PLCB1: variants seen among roughly 807,000 people sequenced by gnomAD.
The protein encoded by PLCB1 is phospholipase C beta 1, also known as 1-phosphatidylinositol 4,5-bisphosphate phosphodiesterase beta-1.
Under a neutral mutation model 161.8 loss-of-function variants are expected in PLCB1, and 46 were observed. The observed-to-expected ratio is 0.28, with a 90% CI of 0.22 to 0.36. The LOEUF is 0.36. PLCB1 is among the 10% of genes least tolerant of loss of function. The pLI, the probability that PLCB1 is intolerant of heterozygous loss-of-function variation, is 1.00. For missense variants in PLCB1, 1,016 were observed against 1,472.5 expected, an observed-to-expected ratio of 0.69 and a Z score of 5.07; for synonymous variants, 517 against 503.7, an observed-to-expected ratio of 1.03 and a Z score of -0.35.
chr20:8,491,736 A>C (rs1305183530), intron 3 of PLCB1, among the ~76,000 whole-genome samples: 1 of 152,078 alleles, frequency 6.6e-6, no homozygotes, highest in East Asian at 1.9e-4. Context: ...CTGGATTCTC[A>C]GCAATATCTC....
chr20:8,479,647 C>G (rs1302304423), intron 3 of PLCB1, among the ~76,000 whole-genome samples: 1 of 152,176 alleles, frequency 6.6e-6, no homozygotes, highest in Non-Finnish European at 1.5e-5. Context: ...CTTTTGCTTT[C>G]CATCTTTGCC....
chr20:8,630,829 A>G (rs756816842), intron 4 of PLCB1, among the ~76,000 whole-genome samples: 1 of 152,210 alleles, frequency 6.6e-6, no homozygotes, highest in Non-Finnish European at 1.5e-5. Flanking sequence ...CTTAAGTTGC[A>G]TTAAGCCTTT....
chr20:8,693,296 T>C (rs559057583), intron 10 of PLCB1, among the ~76,000 whole-genome samples: 2 of 152,302 alleles, frequency 1.3e-5, no homozygotes, highest in East Asian at 3.9e-4. Flanking sequence ...GAAATGACTT[T>C]AGGCTCTTAC....
intron 2 of PLCB1, among the ~76,000 whole-genome samples, chr20:8,265,848 A>G (rs1307369420): frequency 6.6e-6 from 1 of 152,140 alleles, no homozygotes; most frequent in Non-Finnish European, 1.5e-5. Flanking sequence ...TATTATTTTT[A>G]ACTTTTTTTA....
rs1488153462 is a variant in PLCB1 at position 8,765,314 on chromosome 20, G to A, written c.2886G>A (p.Arg962=). ...YNEIQNDYLR[R]RAALEKSAKK... ...AAATTCAGAATGACTACTTGAGAAG[G>A]AGAGCCGCTTTGGAAAAGTCCGCCA... Residue 962 remains arginine, a synonymous_variant, in exon 26 of 32, where the codon AGG becomes AGA. Coordinates refer to ENST00000338037, the MANE Select transcript of PLCB1 (RefSeq NM_015192.4). 2 of 1,613,724 alleles carry A rather than the reference G, an allele frequency of 1.2e-6. No homozygotes were observed. Among genetic ancestry groups the A allele is most frequent in the Admixed American group, 3.3e-5 (2 of 59,966 alleles).
At chr20:8,795,085 T>A (rs1983951475) in intron 31 of PLCB1, among the ~76,000 whole-genome samples, 1 of 152,214 alleles carries the variant, frequency 6.6e-6, no homozygotes, top group South Asian at 2.1e-4. Context: ...CAATTCTGCA[T>A]GTGAGCTGGG....
intron 27 of PLCB1, among the ~76,000 whole-genome samples, chr20:8,777,424 G>C (rs1345605763): frequency 6.6e-6 from 1 of 152,068 alleles, no homozygotes; most frequent in Non-Finnish European, 1.5e-5. Context: ...TTGCTTAGAA[G>C]TCTGGACATC....
At chr20:8,226,406 G>A (rs1979686199) in intron 2 of PLCB1, among the ~76,000 whole-genome samples, 2 of 152,128 alleles carry the variant, frequency 1.3e-5, no homozygotes, top group South Asian at 4.1e-4. Flanking sequence ...CTGCCAGGAG[G>A]AAGGTTGAGC....
intron 2 of PLCB1, among the ~76,000 whole-genome samples, chr20:8,347,677 A>C (rs1210331435): frequency 6.6e-6 from 1 of 152,240 alleles, no homozygotes; most frequent in Non-Finnish European, 1.5e-5. Flanking sequence ...TGTCCATGAA[A>C]ATACTCAGTA....
At chr20:8,764,493 G>C (rs1047421862) in intron 25 of PLCB1, among the ~76,000 whole-genome samples, 1 of 152,116 alleles carries the variant, frequency 6.6e-6, no homozygotes, top group East Asian at 1.9e-4. Flanking sequence ...TTATAGCAAT[G>C]CTGTTGGTGC....
intron 3 of PLCB1, among the ~76,000 whole-genome samples, chr20:8,391,986 G>T (rs1322580890): frequency 6.6e-6 from 1 of 151,698 alleles, no homozygotes; most frequent in Non-Finnish European, 1.5e-5. Context: ...TGAAAATATG[G>T]AGTATATCAT....
At chr20:8,365,169 C>T (rs1250298219) in intron 2 of PLCB1, among the ~76,000 whole-genome samples, 1 of 152,168 alleles carries the variant, frequency 6.6e-6, no homozygotes, top group Admixed American at 6.5e-5. Flanking sequence ...GGCATCTGCA[C>T]CTGTGTTTGA....
chr20:8,573,276 G>A (rs927896815), intron 3 of PLCB1, among the ~76,000 whole-genome samples: 4 of 152,072 alleles, frequency 2.6e-5, no homozygotes, highest in Non-Finnish European at 5.9e-5. Flanking sequence ...TCTAGAAAAA[G>A]GAGGACAAAC....
In PLCB1 at chr20:8,550,301, TC is replaced by T. The variant is rs1985728163; in HGVS notation, c.247-77987del. On this transcript the variant is annotated intron_variant, in intron 3 of 31. Transcript: ENST00000338037. ...AGAGTAATATGGTTTAGCTCTGTGT[TC>T]CCCCCACCCAAATCTCACCATGAAT... is the stretch of plus-strand genomic sequence containing the variant. Among the ~76,000 whole-genome samples, 3 of 152,024 alleles carry T rather than the reference TC, an allele frequency of 2.0e-5. No individual in the cohort carries two copies. The South Asian group carries it at 6.2e-4, about 32-fold the overall frequency.
At chr20:8,493,559 GC>G (rs1983033833) in intron 3 of PLCB1, among the ~76,000 whole-genome samples, 1 of 152,222 alleles carries the variant, frequency 6.6e-6, no homozygotes, top group Admixed American at 6.5e-5. Flanking sequence ...CAAATGGTAA[GC>G]TTGTTTCCAT....
intron 3 of PLCB1, among the ~76,000 whole-genome samples, chr20:8,549,157 A>G (rs563207383): frequency 3.3e-5 from 5 of 152,296 alleles, no homozygotes; most frequent in South Asian, 4.1e-4. Flanking sequence ...TAGAACTTAA[A>G]GTAAAATTTT....
At chr20:8,178,172 C>A (rs75810193) in intron 2 of PLCB1, among the ~76,000 whole-genome samples, 1,796 of 152,198 alleles carry the variant, frequency 0.012, 38 homozygotes, top group African/African-American at 0.039. Flanking sequence ...GTGCATATGT[C>A]TTTATGATAG....
Position 8,288,203 on chromosome 20 carries a change from A to G in PLCB1, c.178-83179A>G, listed in dbSNP as rs115313838. 4.9e-3 allele frequency among the ~76,000 whole-genome samples: 751 copies of G among 152,258 alleles called. 5 individuals carry two copies. The highest frequency in any genetic ancestry group is 0.017 in the African/African-American group (713 of 41,548). On this transcript the variant is annotated intron_variant, in intron 2 of 31. Coordinates refer to ENST00000338037, the MANE Select transcript of PLCB1 (RefSeq NM_015192.4). The stretch of plus-strand genomic sequence containing the variant: ...TATCCAGATGCCAATATGAACTAAA[A>G]TAGAGCTTCTTGTTAGTCAGCTTCT...
chr20:8,555,969 TAGTC>T (rs1985938907), intron 3 of PLCB1, among the ~76,000 whole-genome samples: 3 of 125,602 alleles, frequency 2.4e-5, no homozygotes, highest in Admixed American at 1.5e-4. Context: ...AAGAGACACT[TAGTC>T]AGAAATGATT....
Sources: allele counts gnomAD v4.1 joint callset (sites outside exome capture counted in the v4.1 genomes callset), GRCh38; gene constraint gnomAD v4.1.1; transcripts MANE v1.5; gene names NCBI Gene and HGNC (gene_info 2026-07-23, HGNC 2026-07-21).